FCHSD2: variants seen among roughly 807,000 people sequenced by gnomAD.
FCHSD2 encodes F-BAR and double SH3 domains protein 2.
FCHSD2 carries 38 observed loss-of-function variants against 108.1 expected under a neutral mutation model. The observed-to-expected ratio is 0.35, with a 90% CI of 0.27 to 0.46. FCHSD2 has a LOEUF of 0.46. Among genes scored for constraint, FCHSD2 ranks in the 20% least tolerant of loss-of-function variants. FCHSD2 has a pLI of 1.00. For missense variants in FCHSD2, 751 were observed against 897.8 expected, an observed-to-expected ratio of 0.84 and a Z score of 2.09; for synonymous variants, 279 against 314.7, an observed-to-expected ratio of 0.89 and a Z score of 1.20.
intron 14 of FCHSD2, among the ~76,000 whole-genome samples, chr11:72,844,508 G>A (rs3814730): frequency 0.16 from 23,828 of 152,108 alleles, 2,319 homozygotes; most frequent in South Asian, 0.21. Flanking sequence ...CAATCCACCA[G>A]CATCAGCCAC....
At chr11:73,049,698 A>AG (rs1858852767) in intron 3 of FCHSD2, among the ~76,000 whole-genome samples, 1 of 151,706 alleles carries the variant, frequency 6.6e-6, no homozygotes, top group African/African-American at 2.4e-5. Context: ...AAAAAAAAAA[A>AG]AAAGAAAAAG....
chr11:73,058,187 A>G (rs548718362), intron 3 of FCHSD2, among the ~76,000 whole-genome samples: 1 of 152,062 alleles, frequency 6.6e-6, no homozygotes, highest in East Asian at 1.9e-4. Context: ...CCAATTCTGT[A>G]TTCTTTAAAG....
chr11:73,062,925 G>C (rs1859201956), intron 3 of FCHSD2, among the ~76,000 whole-genome samples: 1 of 152,104 alleles, frequency 6.6e-6, no homozygotes, highest in Non-Finnish European at 1.5e-5. Flanking sequence ...TCAAATTCAG[G>C]AAATACATAG....
intron 10 of FCHSD2, 51 bp downstream of exon 10, chr11:72,902,492 G>A: frequency 7.9e-7 from 1 of 1,272,930 alleles, no homozygotes; most frequent in South Asian, 1.3e-5. Flanking sequence ...TGTTACTTAA[G>A]CACAAACACA....
intron 3 of FCHSD2, among the ~76,000 whole-genome samples, chr11:73,032,986 T>C (rs1441345850): frequency 6.6e-6 from 1 of 151,944 alleles, no homozygotes; most frequent in Non-Finnish European, 1.5e-5. Flanking sequence ...GTGGGAAACA[T>C]GGATTAAGAG....
At chr11:72,873,951 G>A (rs916350945) in intron 12 of FCHSD2, among the ~76,000 whole-genome samples, 13 of 152,100 alleles carry the variant, frequency 8.5e-5, no homozygotes, top group South Asian at 2.1e-4. Context: ...GGATACTACC[G>A]TGCCACTTTA....
chr11:72,947,735 AT>A (rs773891143), intron 8 of FCHSD2, among the ~76,000 whole-genome samples: 11 of 18,086 alleles, frequency 6.1e-4, no homozygotes, highest in South Asian at 1.9e-3. Context: ...GTTAAAAAAA[AT>A]ATTGAAAACA....
chr11:72,941,674 C>A (rs888277936), intron 8 of FCHSD2, among the ~76,000 whole-genome samples: 1 of 152,012 alleles, frequency 6.6e-6, no homozygotes, highest in Non-Finnish European at 1.5e-5. Context: ...CATATATGTA[C>A]GTTTGTTTAA....
chr11:73,079,308 T>C (rs1253983910), intron 3 of FCHSD2, among the ~76,000 whole-genome samples: 1 of 151,802 alleles, frequency 6.6e-6, no homozygotes, highest in East Asian at 1.9e-4. Context: ...GTGATTCTCC[T>C]GCCTCAGCCT....
At chr11:72,919,458 G>GAGA (rs1157447654) in intron 9 of FCHSD2, among the ~76,000 whole-genome samples, 7 of 152,248 alleles carry the variant, frequency 4.6e-5, no homozygotes, top group Non-Finnish European at 4.4e-5. Flanking sequence ...ACAAGCTAAA[G>GAGA]AGAATATAGT....
chr11:72,928,012 T>C (rs1856111237), intron 8 of FCHSD2, among the ~76,000 whole-genome samples: 1 of 152,206 alleles, frequency 6.6e-6, no homozygotes, highest in East Asian at 1.9e-4. Context: ...GAGTACCACA[T>C]ACTCCACAGG....
intron 8 of FCHSD2, among the ~76,000 whole-genome samples, chr11:72,980,586 A>C (rs1857193337): frequency 6.6e-6 from 1 of 151,800 alleles, no homozygotes; most frequent in African/African-American, 2.4e-5. Context: ...GATAGCTATT[A>C]TTATTACTAA....
At chr11:73,030,085 G>A (rs1858323150) in intron 3 of FCHSD2, among the ~76,000 whole-genome samples, 1 of 152,032 alleles carries the variant, frequency 6.6e-6, no homozygotes, top group Admixed American at 6.6e-5. Flanking sequence ...AAATACCCAA[G>A]GGAATGCCAT....
rs548637226 is a variant in FCHSD2, at chr11:73,040,295, C to T, written c.166-24410G>A. Among the ~76,000 whole-genome samples the T allele has an allele frequency of 1.1e-4, 17 of 152,256 alleles. No homozygotes were observed. The South Asian group carries it at 3.5e-3, about 32-fold the overall frequency. On this transcript the variant is annotated intron_variant, in intron 3 of 19. Transcript: ENST00000409418. ...CTCCTACTAGAAGCTGTAATTGTTT[C>T]GCAGTCATGTGGAAAAACAAAAAGA...
At chr11:72,908,022 A>C (rs1307101683) in intron 9 of FCHSD2, among the ~76,000 whole-genome samples, 1 of 152,092 alleles carries the variant, frequency 6.6e-6, no homozygotes, top group Admixed American at 6.6e-5. Context: ...GGCTCCCCCC[A>C]CATCTGACTA....
At chr11:73,023,508 T>C (rs933136875) in intron 3 of FCHSD2, among the ~76,000 whole-genome samples, 4 of 152,206 alleles carry the variant, frequency 2.6e-5, no homozygotes, top group African/African-American at 9.6e-5. Context: ...TGTATTAGAA[T>C]GCTAAATCCA....
intron 8 of FCHSD2, among the ~76,000 whole-genome samples, chr11:72,966,439 T>C (rs762900491): frequency 6.6e-6 from 1 of 152,164 alleles, no homozygotes; most frequent in Non-Finnish European, 1.5e-5. Flanking sequence ...GGATTACAAG[T>C]GTGAACCACC....
At chr11:72,843,414 T>A in intron 15 of FCHSD2, 35 bp downstream of exon 15, 1 of 1,608,076 alleles carries the variant, frequency 6.2e-7, no homozygotes, top group Non-Finnish European at 8.5e-7. Flanking sequence ...CCTAAAAATG[T>A]CACAAGAAAG....
intron 9 of FCHSD2, among the ~76,000 whole-genome samples, chr11:72,905,618 G>A (rs969129685): frequency 5.3e-5 from 8 of 151,386 alleles, no homozygotes; most frequent in African/African-American, 1.2e-4. Flanking sequence ...GTCCCAGTGC[G>A]TGATGTTCCC....
Sources: allele counts gnomAD v4.1 joint callset (sites outside exome capture counted in the v4.1 genomes callset), GRCh38; gene constraint gnomAD v4.1.1; transcripts MANE v1.5; gene names NCBI Gene and HGNC (gene_info 2026-07-23, HGNC 2026-07-21).